Variants in EMC8 observed in about 807,000 individuals in gnomAD.
EMC8 encodes the protein ER membrane protein complex subunit 8.
EMC8 carries 11 observed loss-of-function variants against 24.3 expected under a neutral mutation model. The observed-to-expected ratio is 0.45, with a 90% CI of 0.28 to 0.75. The LOEUF (loss-of-function observed/expected upper bound fraction) is 0.75, where lower values mean the gene tolerates loss of function less well. Ranked by LOEUF, EMC8 falls within the 30% of genes least tolerant of loss-of-function variation. The probability of loss-of-function intolerance (pLI) is 0.12; values close to 1 mark genes in which losing one functional copy is unlikely to be tolerated. For synonymous variants in EMC8, 145 were observed against 117.7 expected, an observed-to-expected ratio of 1.23 and a Z score of -1.50; for missense variants, 277 against 282.7, an observed-to-expected ratio of 0.98 and a Z score of 0.14.
chr16:85,793,397 C>A (rs1905098054), intron 1 of EMC8, among the ~76,000 whole-genome samples: 1 of 152,176 alleles, frequency 6.6e-6, no homozygotes, highest in Admixed American at 6.5e-5. Context: ...CTTCTCAAGT[C>A]AGCTGCTGAT....
chr16:85,793,717 C>T (rs889848863), intron 1 of EMC8, among the ~76,000 whole-genome samples: 6 of 152,078 alleles, frequency 3.9e-5, no homozygotes, highest in African/African-American at 7.2e-5. Flanking sequence ...AAGTCATCTG[C>T]GCAGAATGTA....
chr16:85,794,991 T>C (rs980669653), intron 1 of EMC8, among the ~76,000 whole-genome samples: 7 of 152,112 alleles, frequency 4.6e-5, no homozygotes, highest in African/African-American at 7.2e-5. Context: ...GCAGCCCTGC[T>C]CCCCCGTGGA....
Position 85,788,989 on chromosome 16 carries a change from C to T in EMC8, c.293G>A (p.Arg98Gln), listed in dbSNP as rs767451358. The change falls in exon 2 of 5, where the codon CGA becomes CAA. Residue 98 changes from arginine to glutamine, a missense_variant. Physicochemically the swap from Arg to Gln is conservative, Grantham distance 43. Transcript: ENST00000253457. ...VIAGYYQANE[R>Q]VKDASPNQVA... The stretch of plus-strand genomic sequence containing the variant: ...ATCCACGTACCTGGCATCCTTTACT[C>T]GCTCATTAGCTTGATAATAACCAGC... 9 of 1,613,206 alleles carry T rather than the reference C, an allele frequency of 5.6e-6. No individual in the cohort carries two copies. In the East Asian group the frequency reaches 6.7e-5, roughly 12 times the overall value.
chr16:85,786,020 A>G (rs1248709184), intron 2 of EMC8, among the ~76,000 whole-genome samples: 1 of 152,240 alleles, frequency 6.6e-6, no homozygotes, highest in Non-Finnish European at 1.5e-5. Context: ...AATTCATAAA[A>G]GTTATAAACA....
chr16:85,790,837 C>T (rs1904974110), intron 1 of EMC8, among the ~76,000 whole-genome samples: 1 of 148,172 alleles, frequency 6.7e-6, no homozygotes, highest in South Asian at 2.1e-4. Flanking sequence ...TAAAACAACA[C>T]TTTTTTTTTT....
intron 1 of EMC8, among the ~76,000 whole-genome samples, chr16:85,789,545 A>G (rs943940328): frequency 4.6e-5 from 7 of 152,176 alleles, no homozygotes; most frequent in African/African-American, 1.7e-4. Flanking sequence ...TAATCCCAGC[A>G]CTTTGGGAGG....
chr16:85,785,908 G>A (rs1465590268), intron 2 of EMC8, among the ~76,000 whole-genome samples: 3 of 152,194 alleles, frequency 2.0e-5, no homozygotes, highest in Middle Eastern at 3.4e-3. Context: ...GCTCTCTGCC[G>A]GGCACCGAAA....
chr16:85,781,137 C>A, intron 3 of EMC8, 74 bp downstream of exon 3: 2 of 1,075,862 alleles, frequency 1.9e-6, no homozygotes, highest in South Asian at 2.5e-5. Context: ...GGAAAGGAAA[C>A]CGCCGCAGAG....
chr16:85,784,530 T>G (rs930783022), intron 2 of EMC8: 1 of 152,208 alleles, frequency 6.6e-6, no homozygotes, highest in African/African-American at 2.4e-5. Context: ...AAAATGTGAC[T>G]GTGTTAAGAA....
intron 2 of EMC8, among the ~76,000 whole-genome samples, chr16:85,783,621 C>A (rs1245465906): frequency 1.3e-5 from 2 of 152,240 alleles, no homozygotes; most frequent in African/African-American, 2.4e-5. Flanking sequence ...GGCAGGCCTT[C>A]GTTACGGTGA....
At chr16:85,793,286 C>T (rs982141983) in intron 1 of EMC8, among the ~76,000 whole-genome samples, 2 of 152,230 alleles carry the variant, frequency 1.3e-5, no homozygotes, top group Non-Finnish European at 2.9e-5. Context: ...CACTTACCAA[C>T]AAGATGAGGG....
At chr16:85,780,151 A>G (rs1247326854) in intron 4 of EMC8, 1 of 601,336 alleles carries the variant, frequency 1.7e-6, no homozygotes, top group East Asian at 2.8e-5. Flanking sequence ...GCCTGGGAAG[A>G]GTGTCTGTGC....
intron 1 of EMC8, among the ~76,000 whole-genome samples, chr16:85,795,530 T>G (rs4843823): frequency 0.83 from 124,425 of 150,412 alleles, 51,468 homozygotes; most frequent in African/African-American, 0.88. Context: ...TCTCCGCCTT[T>G]CTGACGGTGG....
chr16:85,785,251 A>G (rs541212948), intron 2 of EMC8, among the ~76,000 whole-genome samples: 2 of 152,294 alleles, frequency 1.3e-5, no homozygotes, highest in African/African-American at 4.8e-5. Flanking sequence ...CTGGCCTAAA[A>G]TTTATTATTT....
intron 1 of EMC8, among the ~76,000 whole-genome samples, chr16:85,794,516 T>G (rs115261941): frequency 0.014 from 2,087 of 152,114 alleles, 35 homozygotes; most frequent in African/African-American, 0.048. Flanking sequence ...CGGTGAAACC[T>G]TGTCTACTAA....
At chr16:85,792,671 C>G (rs1431670555) in intron 1 of EMC8, 1 of 152,082 alleles carries the variant, frequency 6.6e-6, no homozygotes, top group Non-Finnish European at 1.5e-5. Context: ...GGTGTGGCAG[C>G]CAGGTCTCCA....
intron 1 of EMC8, among the ~76,000 whole-genome samples, chr16:85,795,506 A>C: frequency 1.3e-5 from 2 of 150,992 alleles, no homozygotes; most frequent in South Asian, 2.1e-4. Context: ...CCCTCCTTCC[A>C]CTCCACTGTT....
intron 2 of EMC8, chr16:85,784,552 A>C (rs1400760511): frequency 6.6e-6 from 1 of 152,224 alleles, no homozygotes; most frequent in Non-Finnish European, 1.5e-5. Context: ...AATATGACTT[A>C]AGAGGGAAGG....
At chr16:85,797,056 C>T (rs1905266760) in intron 1 of EMC8, among the ~76,000 whole-genome samples, 1 of 152,186 alleles carries the variant, frequency 6.6e-6, no homozygotes, top group African/African-American at 2.4e-5. Flanking sequence ...GAATCTAGCT[C>T]CCTGCAAGTC....
Sources: allele counts gnomAD v4.1 joint callset (sites outside exome capture counted in the v4.1 genomes callset), GRCh38; gene constraint gnomAD v4.1.1; transcripts MANE v1.5; gene names NCBI Gene and HGNC (gene_info 2026-07-23, HGNC 2026-07-21).